CNOT2: variants seen among roughly 807,000 people sequenced by gnomAD.
CNOT2 encodes the protein CCR4-NOT transcription complex subunit 2, also known as CC chemokine receptor 4-negative regulator of transcription 2.
In CNOT2, 7 loss-of-function variants were observed where a neutral mutation model predicts 72.1. That is an observed-to-expected ratio of 0.10 (90% CI 0.06 to 0.18). The LOEUF is 0.18. CNOT2 is among the 10% of genes least tolerant of loss of function. The pLI is 1.00. For missense variants in CNOT2, 345 were observed against 660.3 expected, an observed-to-expected ratio of 0.52 and a Z score of 5.23; for synonymous variants, 196 against 225.6, an observed-to-expected ratio of 0.87 and a Z score of 1.17.
chr12:70,265,412 G>C (rs1398303070), intron 1 of CNOT2, among the ~76,000 whole-genome samples: 1 of 151,238 alleles, frequency 6.6e-6, no homozygotes, highest in Non-Finnish European at 1.5e-5. Context: ...TGAGGAATAG[G>C]TGCATTTCAT....
At chr12:70,243,262 G>A (rs1264683381), upstream of CNOT2, 1 of 152,656 alleles carries the variant, frequency 6.6e-6, no homozygotes, top group Non-Finnish European at 1.5e-5. Context: ...GAAGTGAAGC[G>A]CCTCTCTCCA....
Position 70,353,975 on chromosome 12 carries a change from A to T in CNOT2, c.*60A>T, listed in dbSNP as rs1435173044. 1.3e-6 allele frequency: 2 copies of T among 1,554,764 alleles called. No individual in the cohort carries two copies. The highest frequency in any genetic ancestry group is 1.7e-6 in the Non-Finnish European group (2 of 1,158,354). On this transcript the variant is annotated 3_prime_UTR_variant, in exon 16 of 16. Coordinates refer to ENST00000229195, the MANE Select transcript of CNOT2 (RefSeq NM_014515.7). Reference sequence around the variant, plus strand: ...TCTTGGGGTATGGCTGTCTCAGCACAATACTCAACATAACTGCAGAACTGA... The same window carrying T: ...TCTTGGGGTATGGCTGTCTCAGCACTATACTCAACATAACTGCAGAACTGA...
At chr12:70,298,121 A>C (rs1342689612) in intron 2 of CNOT2, among the ~76,000 whole-genome samples, 1 of 152,200 alleles carries the variant, frequency 6.6e-6, no homozygotes, top group Non-Finnish European at 1.5e-5. Context: ...TGTAAAATAC[A>C]TGTGATTAGT....
intron 15 of CNOT2, among the ~76,000 whole-genome samples, chr12:70,350,324 G>T (rs1427978149): frequency 6.6e-6 from 1 of 152,066 alleles, no homozygotes; most frequent in Non-Finnish European, 1.5e-5. Context: ...GATTTTTTAT[G>T]TCACAGTCTG....
intron 2 of CNOT2, among the ~76,000 whole-genome samples, chr12:70,283,591 T>C (rs1870280836): frequency 6.6e-6 from 1 of 150,856 alleles, no homozygotes; most frequent in African/African-American, 2.4e-5. Flanking sequence ...GTAGTTATTA[T>C]TGCTGCTTGG....
chr12:70,289,983 A>T (rs544809190), intron 2 of CNOT2, among the ~76,000 whole-genome samples: 1 of 152,134 alleles, frequency 6.6e-6, no homozygotes, highest in African/African-American at 2.4e-5. Flanking sequence ...TTGTGGTTGC[A>T]GTTAAGTTAC....
intron 6 of CNOT2, chr12:70,330,791 G>T: frequency 4.6e-6 from 1 of 218,346 alleles, no homozygotes; most frequent in South Asian, 1.1e-4. Context: ...AAGAGTTCTA[G>T]GTTTATGAAT....
intron 1 of CNOT2, among the ~76,000 whole-genome samples, chr12:70,249,035 C>T (rs1958018802): frequency 1.3e-5 from 2 of 151,900 alleles, no homozygotes; most frequent in African/African-American, 4.8e-5. Context: ...ACTATTTTTC[C>T]ATTTGTGTAT....
chr12:70,319,148 T>A (rs1215700714), intron 3 of CNOT2, 150 bp from the exon 4 acceptor site: 8 of 534,760 alleles, frequency 1.5e-5, no homozygotes, highest in Non-Finnish European at 2.5e-5. Context: ...AAACATGGAA[T>A]ATATTATAGA....
At chr12:70,243,876 C>A (rs533255769) in intron 1 of CNOT2, 32 of 152,362 alleles carry the variant, frequency 2.1e-4, no homozygotes, top group African/African-American at 7.5e-4. Flanking sequence ...CCGCTGCCGC[C>A]GCGCTGCTTC....
chr12:70,269,987 A>G (rs1959184245), intron 1 of CNOT2, among the ~76,000 whole-genome samples: 1 of 152,174 alleles, frequency 6.6e-6, no homozygotes, highest in Admixed American at 6.5e-5. Context: ...TATTATTGCC[A>G]TTTGTGACCT....
intron 2 of CNOT2, among the ~76,000 whole-genome samples, chr12:70,283,467 T>TGATA (rs3049214): frequency 0.17 from 24,097 of 142,348 alleles, 2,348 homozygotes; most frequent in African/African-American, 0.25. Flanking sequence ...GTCAGTCGAT[T>TGATA]GATAGATAGA....
rs1881003133 is a variant in CNOT2, at chr12:70,338,483, G to C, written c.941G>C (p.Gly314Ala). ...GGCAAGACAACTTCAAGTACAGATG[G>C]ACCCAAATTCCCTGGAGATAAAAGT... The part of the protein sequence containing the change: ...TSGKTTSSTD[G>A]PKFPGDKSST... The change falls in exon 10 of 16, where the codon GGA becomes GCA. Residue 314 changes from glycine to alanine, a missense_variant. Physicochemically the swap from Gly to Ala is moderately conservative, Grantham distance 60. This residue lies in a region of CNOT2 where 128 missense variants were observed against 233.0 expected (regional missense o/e 0.55). Coordinates refer to ENST00000229195, the MANE Select transcript of CNOT2 (RefSeq NM_014515.7). 1 of 1,612,806 alleles carries C rather than the reference G, an allele frequency of 6.2e-7. No individual in the cohort carries two copies. The highest frequency in any genetic ancestry group is 8.5e-7 in the Non-Finnish European group (1 of 1,179,366).
chr12:70,263,988 T>C (rs915743946), intron 1 of CNOT2, among the ~76,000 whole-genome samples: 11 of 152,216 alleles, frequency 7.2e-5, no homozygotes, highest in Non-Finnish European at 1.5e-4. Flanking sequence ...CCATTTCCGA[T>C]TGTCTTTTTC....
intron 3 of CNOT2, among the ~76,000 whole-genome samples, chr12:70,313,146 C>T (rs1876755122): frequency 6.6e-6 from 1 of 151,998 alleles, no homozygotes; most frequent in African/African-American, 2.4e-5. Context: ...TAATTTTACA[C>T]ACACACAGTG....
In CNOT2 at chr12:70,316,874, A is replaced by C. The variant is rs139175457; in HGVS notation, c.172-2424A>C. 2.6e-5 allele frequency among the ~76,000 whole-genome samples: 4 copies of C among 152,278 alleles called. No individual in the cohort carries two copies. The East Asian group carries it at 7.7e-4, about 29-fold the overall frequency. Reference sequence around the variant, plus strand: ...GCATATCTGTAACTCATGGATGTATAATCAGTGTGAGAAAGTAGACTAAAA... The same window carrying C: ...GCATATCTGTAACTCATGGATGTATCATCAGTGTGAGAAAGTAGACTAAAA... On this transcript the variant is annotated intron_variant, in intron 3 of 15. Coordinates refer to ENST00000229195, the MANE Select transcript of CNOT2 (RefSeq NM_014515.7).
At chr12:70,346,990 T>TTATTCTCTACATGTGGAGAGAATA (rs1315462778) in intron 15 of CNOT2, among the ~76,000 whole-genome samples, 2 of 152,132 alleles carry the variant, frequency 1.3e-5, no homozygotes, top group East Asian at 1.9e-4. Context: ...AGAGAATATA[T>TTATTCTCTACATGTGGAGAGAATA]TATTCTCTAC....
At chr12:70,311,779 T>C (rs914953890) in intron 3 of CNOT2, among the ~76,000 whole-genome samples, 1 of 152,026 alleles carries the variant, frequency 6.6e-6, no homozygotes, top group African/African-American at 2.4e-5. Context: ...TTTCACACTT[T>C]ATAAACTTGC....
chr12:70,283,648 A>T (rs920497321), intron 2 of CNOT2, among the ~76,000 whole-genome samples: 3 of 49,668 alleles, frequency 6.0e-5, no homozygotes, highest in South Asian at 6.4e-4. Flanking sequence ...GAATGAGTTT[A>T]AAAAAAAAAA....
Sources: gnomAD v4.1 joint callset for allele counts (sites outside exome capture counted in the v4.1 genomes callset) on GRCh38, gnomAD v4.1.1 for gene constraint, gnomAD v4.1.1 regional missense constraint, MANE v1.5 for transcripts, NCBI Gene and HGNC (gene_info 2026-07-23, HGNC 2026-07-21) for gene names.